Variants in NOVA1 observed in about 807,000 individuals in gnomAD.
NOVA1 encodes RNA-binding protein Nova-1.
In NOVA1, 7 loss-of-function variants were observed where a neutral mutation model predicts 38.0. The ratio of observed to expected loss-of-function variants is 0.18; its 90% CI spans 0.10 to 0.35. The LOEUF (loss-of-function observed/expected upper bound fraction) is 0.35, where lower values mean the gene tolerates loss of function less well. NOVA1 is among the 10% of genes least tolerant of loss of function. NOVA1 has a pLI of 1.00. For missense variants in NOVA1, 460 were observed against 616.0 expected, an observed-to-expected ratio of 0.75 and a Z score of 2.68; for synonymous variants, 270 against 232.5, an observed-to-expected ratio of 1.16 and a Z score of -1.47.
At chr14:26,507,338 A>G (rs1275999554) in intron 2 of NOVA1, among the ~76,000 whole-genome samples, 1 of 152,066 alleles carries the variant, frequency 6.6e-6, no homozygotes, top group Non-Finnish European at 1.5e-5. Context: ...AAATCTTATC[A>G]TAGTAGTTTA....
chr14:26,488,035 T>C (rs1260229570), intron 2 of NOVA1, among the ~76,000 whole-genome samples: 1 of 152,168 alleles, frequency 6.6e-6, no homozygotes, highest in Non-Finnish European at 1.5e-5. Context: ...GAAAATACAC[T>C]ATTTCAAGAA....
chr14:26,472,101 G>C, intron 4 of NOVA1: 1 of 459,712 alleles, frequency 2.2e-6, no homozygotes, highest in Non-Finnish European at 3.8e-6. Flanking sequence ...AAAAATTAGA[G>C]TAGTTTAATA....
chr14:26,594,758 T>C (rs1371708149), intron 2 of NOVA1, among the ~76,000 whole-genome samples: 1 of 113,238 alleles, frequency 8.8e-6, no homozygotes, highest in East Asian at 2.6e-4. Flanking sequence ...CTTCCCATAT[T>C]CCAGTAGGTT....
intron 2 of NOVA1, among the ~76,000 whole-genome samples, chr14:26,533,074 G>C (rs1432163233): frequency 3.3e-5 from 5 of 152,062 alleles, no homozygotes; most frequent in African/African-American, 1.2e-4. Context: ...AGTCTGTGTA[G>C]AATATAATAA....
intron 1 of NOVA1, 92 bp downstream of exon 1, chr14:26,597,209 G>T: frequency 8.9e-7 from 1 of 1,122,648 alleles, no homozygotes; most frequent in South Asian, 4.6e-5. Flanking sequence ...GCGGGAGGGA[G>T]GGAGGGAAGG....
In NOVA1 at chr14:26,597,627, G is replaced by C. The variant is rs1894292832; in HGVS notation, c.-191C>G. On this transcript the variant is annotated 5_prime_UTR_variant, in exon 1 of 5. Coordinates refer to ENST00000539517, the MANE Select transcript of NOVA1 (RefSeq NM_002515.3). ...TTGCTGGTTTGTTCTCACTGGGGAG[G>C]GGGCAGGGCTGAGGAGCAGCTGCAG... The C allele has an allele frequency of 8.2e-7, 1 of 1,219,208 alleles. No homozygotes were observed. The highest frequency in any genetic ancestry group is 4.3e-5 in the Admixed American group (1 of 23,142). The allele number at this position is 1,219,208 out of a possible 1,614,324, so 75.5% of individuals were successfully genotyped here. A position where few individuals can be genotyped will look rare whatever the true frequency, so the allele number is the denominator to read the frequency against.
intron 4 of NOVA1, among the ~76,000 whole-genome samples, chr14:26,457,576 TAC>T (rs1430806021): frequency 2.6e-5 from 4 of 152,264 alleles, no homozygotes; most frequent in East Asian, 3.9e-4. Context: ...CTGCTAGTTG[TAC>T]ACAAAGTATT....
At chr14:26,559,994 A>G (rs1308020912) in intron 2 of NOVA1, among the ~76,000 whole-genome samples, 1 of 152,036 alleles carries the variant, frequency 6.6e-6, no homozygotes, top group Non-Finnish European at 1.5e-5. Flanking sequence ...TATGTATTAA[A>G]TTATTGTAAT....
At chr14:26,571,452 A>G (rs1396674244) in intron 2 of NOVA1, among the ~76,000 whole-genome samples, 1 of 152,188 alleles carries the variant, frequency 6.6e-6, no homozygotes, top group Non-Finnish European at 1.5e-5. Context: ...AAAAACAATA[A>G]AGAGAAATAA....
chr14:26,581,716 G>A (rs1436959266), intron 2 of NOVA1, among the ~76,000 whole-genome samples: 1 of 151,902 alleles, frequency 6.6e-6, no homozygotes, highest in Non-Finnish European at 1.5e-5. Context: ...ATCTCCCAGT[G>A]ATGGGCAAAT....
chr14:26,496,633 C>T (rs1036928271), intron 2 of NOVA1, among the ~76,000 whole-genome samples: 2 of 152,110 alleles, frequency 1.3e-5, no homozygotes, highest in Non-Finnish European at 2.9e-5. Context: ...TTAGGTCTAA[C>T]GTTTAAGTCT....
intron 2 of NOVA1, among the ~76,000 whole-genome samples, chr14:26,553,598 A>G (rs1891297052): frequency 6.6e-6 from 1 of 152,134 alleles, no homozygotes; most frequent in Non-Finnish European, 1.5e-5. Flanking sequence ...GACAAGGTAC[A>G]GATAATTGGA....
intron 2 of NOVA1, among the ~76,000 whole-genome samples, chr14:26,550,165 C>T (rs539251434): frequency 4.4e-4 from 67 of 151,964 alleles, no homozygotes; most frequent in Middle Eastern, 3.4e-3. Flanking sequence ...TACCTAAAAC[C>T]GGGCAAACAT....
chr14:26,584,673 AC>A (rs1272974441), intron 2 of NOVA1, among the ~76,000 whole-genome samples: 1 of 151,438 alleles, frequency 6.6e-6, no homozygotes, highest in Admixed American at 6.6e-5. Flanking sequence ...GAATTTTTGC[AC>A]ATCTTTATGT....
intron 1 of NOVA1, 66 bp from the exon 2 acceptor site, chr14:26,595,619 C>A: frequency 1.4e-6 from 2 of 1,438,054 alleles, no homozygotes; most frequent in East Asian, 2.3e-5. Flanking sequence ...CCTCTCCACC[C>A]TCAAGAGAGA....
Position 26,554,043 on chromosome 14 carries a change from G to A in NOVA1, c.280+41367C>T, listed in dbSNP as rs950656377. On this transcript the variant is annotated intron_variant, in intron 2 of 4. Transcript: ENST00000539517. ...ATGCACCTGTAATCCCAGCTGCTCA[G>A]GAGGCTGAGGCAGGTGAATTACTTC... Among the ~76,000 whole-genome samples the A allele has an allele frequency of 2.0e-5, 3 of 151,844 alleles. No homozygotes were observed. The South Asian group carries it at 6.2e-4, about 32-fold the overall frequency.
At chr14:26,588,145 C>T (rs953543733) in intron 2 of NOVA1, among the ~76,000 whole-genome samples, 1 of 150,268 alleles carries the variant, frequency 6.7e-6, no homozygotes, top group African/African-American at 2.4e-5. Context: ...AAAAGTTCTT[C>T]CACAGAACTT....
At chr14:26,531,362 C>T (rs1261393127) in intron 2 of NOVA1, among the ~76,000 whole-genome samples, 1 of 152,186 alleles carries the variant, frequency 6.6e-6, no homozygotes, top group Non-Finnish European at 1.5e-5. Context: ...AATCCCAGCA[C>T]TTTGGGAGGC....
chr14:26,454,685 C>A (rs1314961004), intron 4 of NOVA1, among the ~76,000 whole-genome samples: 1 of 152,062 alleles, frequency 6.6e-6, no homozygotes, highest in African/African-American at 2.4e-5. Context: ...TTTTTACATT[C>A]TTTTTATATC....
Sources: gnomAD v4.1 joint callset for allele counts (sites outside exome capture counted in the v4.1 genomes callset) on GRCh38, gnomAD v4.1.1 for gene constraint, MANE v1.5 for transcripts, NCBI Gene and HGNC (gene_info 2026-07-23, HGNC 2026-07-21) for gene names.